POLL: variants seen among roughly 807,000 people sequenced by gnomAD.
POLL encodes the protein DNA polymerase beta-2.
In POLL, 44 loss-of-function variants were observed where a neutral mutation model predicts 58.1. That is an observed-to-expected ratio of 0.76 (90% confidence interval 0.60 to 0.97). The LOEUF (loss-of-function observed/expected upper bound fraction) is 0.97. Among genes scored for constraint, POLL ranks in the 50% least tolerant of loss-of-function variants. POLL has a pLI of 0.00. For synonymous variants in POLL, 290 were observed against 283.2 expected (o/e 1.02, Z -0.24); for missense variants, 632 against 736.8 (o/e 0.86, Z 1.65).
In POLL at chr10:101,588,131, G is replaced by A. The variant is rs1047040572; in HGVS notation, c.-356C>T. On this transcript the variant is annotated 5_prime_UTR_variant, in exon 1 of 9. Coordinates refer to ENST00000370162, the MANE Select transcript of POLL (RefSeq NM_001174084.2). Reference sequence around the variant, plus strand: ...GCCCCAAGAGTCTCTCCAACCCCCAGAGTCGGTCCCCGGGTGGGGTCGACT... The same window carrying A: ...GCCCCAAGAGTCTCTCCAACCCCCAAAGTCGGTCCCCGGGTGGGGTCGACT... The A allele has an allele frequency of 5.3e-5, 80 of 1,516,554 alleles. No homozygotes were observed. The highest frequency in any genetic ancestry group is 6.8e-5 in the Non-Finnish European group (77 of 1,134,650). The allele number at this position is 1,516,554 out of a possible 1,614,324, so 93.9% of individuals were successfully genotyped here.
At position 101,580,515 on chromosome 10, in the gene POLL, C is replaced by T; in HGVS notation, c.1195-99G>A. ...CCCAGACTCGGGCCCACACCCTCAG[C>T]TTATGCCCATTCCAGATGCCTGCTG... is the stretch of plus-strand genomic sequence containing the variant. On this transcript the variant is annotated intron_variant, in intron 7 of 8. Transcript: ENST00000370162. This position sits in a 1 kb window ranked among gnomAD's most constrained non-coding sequence, Gnocchi z 4.1. 1.9e-6 allele frequency: 2 copies of T among 1,061,022 alleles called. No homozygotes were observed. The highest frequency in any genetic ancestry group is 2.8e-6 in the Non-Finnish European group (2 of 723,280). 65.7% of individuals were successfully genotyped at this position (1,061,022 alleles called of 1,614,324 possible). A position where few individuals can be genotyped will look rare whatever the true frequency, so the allele number is the denominator to read the frequency against.
intron 1 of POLL, 67 bp downstream of exon 1, chr10:101,587,755 G>T: frequency 8.4e-7 from 1 of 1,188,542 alleles, no homozygotes; most frequent in Non-Finnish European, 1.1e-6. Context: ...CTAGGAAATG[G>T]AGCTTTAGGG....
intron 2 of POLL, 68 bp from the exon 3 acceptor site, chr10:101,586,224 C>A: frequency 1.5e-6 from 2 of 1,364,590 alleles, no homozygotes; most frequent in East Asian, 2.3e-5. Flanking sequence ...CCCCTGGCCA[C>A]GACATAACTT....
chr10:101,581,031 G>A (rs2062957414), intron 7 of POLL: 1 of 152,244 alleles, frequency 6.6e-6, no homozygotes, highest in South Asian at 2.1e-4. Flanking sequence ...GGTGGGGAGG[G>A]AGCTGAGACA....
At position 101,583,466 on chromosome 10, in the gene POLL, A is replaced by T. The variant is rs371199480; in HGVS notation, c.1065+42T>A. On this transcript the variant is annotated intron_variant, in intron 6 of 8. Transcript: ENST00000370162. ...GCACACATCTGGGGCAGGAACTCTG[A>T]GACACAGCAAAACTGAAGTAGGGGC... The T allele has an allele frequency of 2.9e-5, 46 of 1,606,388 alleles. No homozygotes were observed. In the African/African-American group the frequency reaches 5.7e-4, roughly 20 times the overall value.
intron 2 of POLL, among the ~76,000 whole-genome samples, chr10:101,586,750 C>T (rs2063370594): frequency 6.6e-6 from 1 of 152,196 alleles, no homozygotes; most frequent in East Asian, 1.9e-4. Context: ...CTGCCTCGGC[C>T]TCCCAAAGTG....
At position 101,580,314 on chromosome 10, in the gene POLL, T is replaced by C. The variant is rs754052482; in HGVS notation, c.1297A>G (p.Thr433Ala). ...ATCGDVDVLI[T>A]HPDGRSHRGI... ...CGGTGGGACCGGCCATCTGGGTGAG[T>C]GATGAGCACGTCGACATCACCACAG... The change falls in exon 8 of 9, where the codon ACT becomes GCT. Residue 433 changes from threonine (T) to alanine (A), a missense_variant. Thr to Ala is a moderately conservative substitution (Grantham distance 58, BLOSUM62 0). Coordinates refer to ENST00000370162, the MANE Select transcript of POLL (RefSeq NM_001174084.2). This position sits in a 1 kb window ranked among gnomAD's most constrained non-coding sequence, Gnocchi z 4.1. 2 of 1,613,652 alleles carry C rather than the reference T, an allele frequency of 1.2e-6. No individual in the cohort carries two copies. Among genetic ancestry groups the C allele is most frequent in the East Asian group, 2.2e-5 (1 of 44,864 alleles).
rs56108036 is a variant in POLL at position 101,587,006 on chromosome 10, G to A, written c.115+240C>T. 3.4e-4 allele frequency: 226 copies of A among 658,014 alleles called. 2 individuals are homozygous for A. The East Asian group carries it at 6.5e-3, about 19-fold the overall frequency. 40.8% of individuals were successfully genotyped at this position (658,014 alleles called of 1,614,324 possible). A position where few individuals can be genotyped will look rare whatever the true frequency, so the allele number is the denominator to read the frequency against. ...AAAATTATACTGGTCATTCCCTGAGGGCCCAGGGAGTCTTTTCTGATGGAT... is the reference window on the plus strand; with the variant it reads ...AAAATTATACTGGTCATTCCCTGAGAGCCCAGGGAGTCTTTTCTGATGGAT... On this transcript the variant is annotated intron_variant, in intron 2 of 8. Coordinates refer to ENST00000370162, the MANE Select transcript of POLL (RefSeq NM_001174084.2).
chr10:101,587,842 G>A lies in POLL; in HGVS notation c.-67C>T. 2.5e-6 allele frequency: 3 copies of A among 1,190,430 alleles called. No individual in the cohort carries two copies. The highest frequency in any genetic ancestry group is 3.2e-6 in the Non-Finnish European group (3 of 942,290). 73.7% of individuals were successfully genotyped at this position (1,190,430 alleles called of 1,614,324 possible). ...TCTACCTCCAACACAGACTCGCAGAGGAAGGAGGAGGACTTTCGGGGGTGA... is the reference window on the plus strand; with the variant it reads ...TCTACCTCCAACACAGACTCGCAGAAGAAGGAGGAGGACTTTCGGGGGTGA... On this transcript the variant is annotated 5_prime_UTR_variant, in exon 1 of 9. Coordinates refer to ENST00000370162, the MANE Select transcript of POLL (RefSeq NM_001174084.2).
intron 7 of POLL, chr10:101,582,375 T>C (rs546277875): frequency 6.0e-6 from 1 of 166,934 alleles, no homozygotes; most frequent in African/African-American, 2.4e-5. Context: ...GTTGGTGAAA[T>C]AAAAAAAAAA....
In POLL at chr10:101,580,001, T is replaced by C; in HGVS notation, c.1364-184A>G. 1.4e-6 allele frequency: 1 copy of C among 738,272 alleles called. No homozygotes were observed. Among genetic ancestry groups the C allele is most frequent in the Non-Finnish European group, 2.2e-6 (1 of 461,510 alleles). The allele number at this position is 738,272 out of a possible 1,614,324, so 45.7% of individuals were successfully genotyped here. On this transcript the variant is annotated intron_variant, in intron 8 of 8. Coordinates refer to ENST00000370162, the MANE Select transcript of POLL (RefSeq NM_001174084.2). The surrounding 1 kb of genome is among the most constrained non-coding windows in gnomAD (Gnocchi z 4.1). ...AGTAATTCCCATCTCCCCCATAGTGTCACAGAAAGATCAGATGAGATACTT... is the reference window on the plus strand; with the variant it reads ...AGTAATTCCCATCTCCCCCATAGTGCCACAGAAAGATCAGATGAGATACTT...
Position 101,582,936 on chromosome 10 carries a change from A to C in POLL, c.1066-45T>G, listed in dbSNP as rs1471669690. On this transcript the variant is annotated intron_variant, in intron 6 of 8. Transcript: ENST00000370162. ...TGGGAAGCTGTAAGGATCCAGGACC[A>C]ATGAAGAGGCATGAGTGAGCACACA... The C allele has an allele frequency of 9.9e-6, 16 of 1,613,214 alleles. No homozygotes were observed. The East Asian group carries it at 3.6e-4, about 36-fold the overall frequency.
intron 4 of POLL, 85 bp from the exon 5 acceptor site, chr10:101,585,004 C>A (rs995060783): frequency 2.3e-6 from 2 of 886,284 alleles, no homozygotes; most frequent in South Asian, 6.5e-5. Flanking sequence ...CTTCTTTGTG[C>A]GGGGGGAGGG....
In POLL at chr10:101,586,147, C is replaced by T. The variant is rs201211517; in HGVS notation, c.125G>A (p.Ser42Asn). 467 of 1,609,888 alleles carry T rather than the reference C, an allele frequency of 2.9e-4. No individual in the cohort carries two copies. Among genetic ancestry groups the T allele is most frequent in the Non-Finnish European group, 3.7e-4 (430 of 1,177,394 alleles). ...EEGEEAEEWL[S>N]SLRAHVVRTG... ...GCGCACAACATGGGCCCGAAGGGAGCTCAGCCACTCTGTGGAAGGAACATC... is the reference window on the plus strand; with the variant it reads ...GCGCACAACATGGGCCCGAAGGGAGTTCAGCCACTCTGTGGAAGGAACATC... Residue 42 changes from serine to asparagine, a missense_variant, in exon 3 of 9, where the codon AGC becomes AAC. Coordinates refer to ENST00000370162, the MANE Select transcript of POLL (RefSeq NM_001174084.2).
chr10:101,588,145 G>C lies in POLL; in HGVS notation c.-370C>G, dbSNP rs539201532. ...TCCAACCCCCAGAGTCGGTCCCCGG[G>C]TGGGGTCGACTACTGGCCAAGCTAG... On this transcript the variant is annotated 5_prime_UTR_variant, in exon 1 of 9. Transcript: ENST00000370162. 1.2e-5 allele frequency: 18 copies of C among 1,518,168 alleles called. No individual in the cohort carries two copies. In the African/African-American group the frequency reaches 1.9e-4, roughly 16 times the overall value. The allele number at this position is 1,518,168 out of a possible 1,614,324, so 94.0% of individuals were successfully genotyped here. A position where few individuals can be genotyped will look rare whatever the true frequency, so the allele number is the denominator to read the frequency against.
At position 101,586,119 on chromosome 10, in the gene POLL, A is replaced by G; in HGVS notation, c.153T>C (p.Thr51=). 1 of 1,613,578 alleles carries G rather than the reference A, an allele frequency of 6.2e-7. No individual in the cohort carries two copies. Among genetic ancestry groups the G allele is most frequent in the Non-Finnish European group, 8.5e-7 (1 of 1,179,886 alleles). The change falls in exon 3 of 9, where the codon ACT becomes ACC. Residue 51 remains threonine, a synonymous_variant. Coordinates refer to ENST00000370162, the MANE Select transcript of POLL (RefSeq NM_001174084.2). ...GTTCTGCCCGGGCTCGTCCAATGCC[A>G]GTGCGCACAACATGGGCCCGAAGGG... The part of the protein sequence containing the change: ...LSSLRAHVVR[T]GIGRARAELF...
chr10:101,587,680 G>T, intron 1 of POLL, 142 bp downstream of exon 1: 12 of 1,007,490 alleles, frequency 1.2e-5, no homozygotes, highest in Non-Finnish European at 1.4e-5. Context: ...GAGGGGTTGC[G>T]CTAAAGATTC....
intron 2 of POLL, 147 bp from the exon 3 acceptor site, chr10:101,586,303 C>T: frequency 6.7e-6 from 5 of 743,772 alleles, no homozygotes; most frequent in Non-Finnish European, 1.1e-5. Context: ...TCCATCCAGA[C>T]AGCTTTCCTT....
chr10:101,580,660 T>C lies in POLL; in HGVS notation c.1195-244A>G. The stretch of plus-strand genomic sequence containing the variant: ...AGGAGAGACGGGAGAAGGTGCCGGC[T>C]CTGCTTCTGAGAGTGGGCACTGAGC... On this transcript the variant is annotated intron_variant, in intron 7 of 8. Transcript: ENST00000370162. The surrounding 1 kb of genome is among the most constrained non-coding windows in gnomAD (Gnocchi z 4.1). 2.2e-6 allele frequency: 1 copy of C among 460,498 alleles called. No homozygotes were observed. The highest frequency in any genetic ancestry group is 3.9e-6 in the Non-Finnish European group (1 of 256,886). The allele number at this position is 460,498 out of a possible 1,614,324, so 28.5% of individuals were successfully genotyped here.
Sources: gnomAD v4.1 joint callset for allele counts (sites outside exome capture counted in the v4.1 genomes callset) on GRCh38, gnomAD v4.1.1 for gene constraint, Gnocchi (gnomAD v3.1) non-coding constraint, MANE v1.5 for transcripts, NCBI Gene and HGNC (gene_info 2026-07-23, HGNC 2026-07-21) for gene names.